CDH1: variants seen among roughly 807,000 people sequenced by gnomAD.
The protein encoded by CDH1 is cadherin-1.
CDH1 carries 35 observed loss-of-function variants against 84.5 expected under a neutral mutation model. The observed-to-expected ratio is 0.41, with a 90% CI of 0.32 to 0.55. CDH1 has a LOEUF of 0.55. Among genes scored for constraint, CDH1 ranks in the 20% least tolerant of loss-of-function variants. The pLI, the probability that CDH1 is intolerant of heterozygous loss-of-function variation, is 0.19. For synonymous variants in CDH1, 417 were observed against 439.0 expected, an observed-to-expected ratio of 0.95 and a Z score of 0.63; for missense variants, 994 against 1,126.6, an observed-to-expected ratio of 0.88 and a Z score of 1.68.
At chr16:68,767,258 G>C (rs1046742403) in intron 2 of CDH1, among the ~76,000 whole-genome samples, 1 of 151,492 alleles carries the variant, frequency 6.6e-6, no homozygotes, top group African/African-American at 2.4e-5. Flanking sequence ...GCAGTGGCAT[G>C]ATCTCAACTC....
rs1555515292 is a variant in CDH1 at position 68,808,838 on chromosome 16, C to A, written c.677C>A (p.Ala226Asp). 6.2e-7 allele frequency: 1 copy of A among 1,613,922 alleles called. No individual in the cohort carries two copies. Among genetic ancestry groups the A allele is most frequent in the Non-Finnish European group, 8.5e-7 (1 of 1,179,920 alleles). The change falls in exon 5 of 16, where the codon GCC becomes GAC. Residue 226 changes from alanine to aspartate, a missense_variant. Ala to Asp is a moderately radical substitution (Grantham distance 126, BLOSUM62 -2). Transcript: ENST00000261769. ...VTEPLDRERI[A>D]TYTLFSHAVS... ...GAGCCTCTGGATAGAGAACGCATTG[C>A]CACATACACTGTAAGTATCTCTTAG...
chr16:68,741,373 C>G (rs1253827820), intron 2 of CDH1, among the ~76,000 whole-genome samples: 1 of 152,094 alleles, frequency 6.6e-6, no homozygotes, highest in Non-Finnish European at 1.5e-5. Flanking sequence ...TGGGATGTGG[C>G]CTGACTCTCT....
intron 3 of CDH1, among the ~76,000 whole-genome samples, chr16:68,807,150 C>T (rs1311452868): frequency 1.3e-5 from 2 of 152,154 alleles, no homozygotes; most frequent in East Asian, 3.8e-4. Flanking sequence ...CCTGCATGTG[C>T]ATAAAGTTAT....
rs139368794 is a variant in CDH1, at chr16:68,775,958, A to G, written c.164-25712A>G. ...GGAGGGAAGATTGTCAAAAGTCCTCAAATATGGCTATTTTAGATTTCTTTT... is the reference window on the plus strand; with the variant it reads ...GGAGGGAAGATTGTCAAAAGTCCTCGAATATGGCTATTTTAGATTTCTTTT... On this transcript the variant is annotated intron_variant, in intron 2 of 15. Transcript: ENST00000261769. 3.8e-3 allele frequency among the ~76,000 whole-genome samples: 573 copies of G among 152,306 alleles called. 7 individuals carry two copies. Among genetic ancestry groups the G allele is most frequent in the African/African-American group, 0.013 (531 of 41,564 alleles).
intron 2 of CDH1, among the ~76,000 whole-genome samples, chr16:68,743,278 G>T (rs986323469): frequency 2.7e-5 from 4 of 148,720 alleles, no homozygotes; most frequent in African/African-American, 9.9e-5. Flanking sequence ...ATCCTTGCTG[G>T]GTCTCTTTCT....
chr16:68,745,789 C>T (rs1161823547), intron 2 of CDH1, among the ~76,000 whole-genome samples: 1 of 151,616 alleles, frequency 6.6e-6, no homozygotes, highest in East Asian at 1.9e-4. Flanking sequence ...AGCCAATCTC[C>T]AAGGGTGGAG....
intron 2 of CDH1, among the ~76,000 whole-genome samples, chr16:68,749,061 T>C (rs1296924446): frequency 6.6e-6 from 1 of 152,188 alleles, no homozygotes; most frequent in Non-Finnish European, 1.5e-5. Flanking sequence ...GGTCTTGAAC[T>C]CCTGACCTCA....
intron 9 of CDH1, 100 bp from the exon 10 acceptor site, chr16:68,815,414 AC>A (rs1960954317): frequency 6.7e-7 from 1 of 1,488,440 alleles, no homozygotes; most frequent in Admixed American, 1.9e-5. Flanking sequence ...TTTTGCACCA[AC>A]CTAATATATT....
intron 2 of CDH1, among the ~76,000 whole-genome samples, chr16:68,762,453 G>T (rs1193687352): frequency 6.6e-6 from 1 of 152,166 alleles, no homozygotes; most frequent in African/African-American, 2.4e-5. Context: ...GCTGTGGGAG[G>T]ATTAGGCTGC....
chr16:68,800,448 G>T (rs1960467869), intron 2 of CDH1, among the ~76,000 whole-genome samples: 1 of 151,404 alleles, frequency 6.6e-6, no homozygotes, highest in Non-Finnish European at 1.5e-5. Context: ...GTTTGCAAGG[G>T]TGGCCCCTGA....
chr16:68,817,412 C>T (rs1306048758), intron 10 of CDH1, among the ~76,000 whole-genome samples: 1 of 152,186 alleles, frequency 6.6e-6, no homozygotes, highest in Non-Finnish European at 1.5e-5. Flanking sequence ...ATTGCTTCAG[C>T]AAGAATCATC....
chr16:68,808,384 T>C (rs1328053598), intron 3 of CDH1, 40 bp from the exon 4 acceptor site: 1 of 1,612,932 alleles, frequency 6.2e-7, no homozygotes, highest in Non-Finnish European at 8.5e-7. Flanking sequence ...GTATCCGTCT[T>C]GAATTGTCTT....
At chr16:68,826,644 T>C (rs1961329768) in intron 13 of CDH1, 2 of 152,194 alleles carry the variant, frequency 1.3e-5, no homozygotes, top group African/African-American at 2.4e-5. Context: ...AAGCTTTTCA[T>C]GTTTTCCGCC....
chr16:68,770,147 A>G (rs1476425999), intron 2 of CDH1, among the ~76,000 whole-genome samples: 4 of 152,106 alleles, frequency 2.6e-5, no homozygotes, highest in East Asian at 3.9e-4. Flanking sequence ...AGAATCATAA[A>G]GTTGGAAGGG....
chr16:68,741,865 TTCA>T (rs1962572944), intron 2 of CDH1, among the ~76,000 whole-genome samples: 1 of 152,134 alleles, frequency 6.6e-6, no homozygotes, highest in East Asian at 1.9e-4. Context: ...GAGACAGGAT[TTCA>T]TCATATTGGT....
At chr16:68,748,061 GC>G (rs1291319594) in intron 2 of CDH1, among the ~76,000 whole-genome samples, 2 of 150,254 alleles carry the variant, frequency 1.3e-5, no homozygotes, top group African/African-American at 2.5e-5. Flanking sequence ...ACCGTGCCTG[GC>G]CCATTTTTAT....
chr16:68,827,513 G>A (rs1369069940), intron 13 of CDH1, among the ~76,000 whole-genome samples: 1 of 151,912 alleles, frequency 6.6e-6, no homozygotes, highest in Non-Finnish European at 1.5e-5. Flanking sequence ...TAACCCTTGT[G>A]TTAAGCCTTG....
chr16:68,745,376 T>C (rs559290029), intron 2 of CDH1, among the ~76,000 whole-genome samples: 2 of 150,046 alleles, frequency 1.3e-5, no homozygotes, highest in East Asian at 3.9e-4. Context: ...GGTACTAGCA[T>C]CAAAAAAATG....
At chr16:68,796,087 C>T (rs959313503) in intron 2 of CDH1, among the ~76,000 whole-genome samples, 7 of 151,736 alleles carry the variant, frequency 4.6e-5, no homozygotes, top group African/African-American at 1.5e-4. Context: ...GGCTTGAACC[C>T]GGGAGGTGGA....
Sources: allele counts gnomAD v4.1 joint callset (sites outside exome capture counted in the v4.1 genomes callset), GRCh38; gene constraint gnomAD v4.1.1; transcripts MANE v1.5; gene names NCBI Gene and HGNC (gene_info 2026-07-23, HGNC 2026-07-21).